TENM2: variants seen among roughly 807,000 people sequenced by gnomAD.
TENM2 encodes teneurin-2.
A neutral mutation model predicts 245.2 loss-of-function variants in TENM2; 52 were observed. That is an observed-to-expected ratio of 0.21 (90% confidence interval 0.17 to 0.27). The LOEUF (loss-of-function observed/expected upper bound fraction) is 0.27. Ranked by LOEUF, TENM2 falls within the 10% of genes least tolerant of loss-of-function variation. TENM2 has a pLI of 1.00. For synonymous variants in TENM2, 1,363 were observed against 1,438.9 expected (o/e 0.95, Z 1.19); for missense variants, 3,046 against 3,666.8 (o/e 0.83, Z 4.37).
intron 2 of TENM2, among the ~76,000 whole-genome samples, chr5:167,823,088 AT>A: frequency 6.6e-6 from 1 of 152,044 alleles, no homozygotes. Context: ...CGCTTGCCAG[AT>A]TTTTTTCTTA....
intron 2 of TENM2, among the ~76,000 whole-genome samples, chr5:167,378,369 T>TTTC (rs201092643): frequency 0.031 from 4,126 of 131,266 alleles, 208 homozygotes; most frequent in African/African-American, 0.11. Context: ...CTTTCTTTTC[T>TTTC]TTCTTCTTCT....
At chr5:167,812,946 A>G (rs1445160561) in intron 2 of TENM2, among the ~76,000 whole-genome samples, 1 of 152,202 alleles carries the variant, frequency 6.6e-6, no homozygotes, top group Non-Finnish European at 1.5e-5. Flanking sequence ...GCACTGCAAA[A>G]AAGGCAGGCT....
the TENM2 span, among the ~76,000 whole-genome samples, chr5:167,189,865 A>G: frequency 6.6e-6 from 1 of 152,132 alleles, no homozygotes; most frequent in Non-Finnish European, 1.5e-5. Flanking sequence ...ACCTTGAGAT[A>G]TAACTTTATA....
chr5:168,084,683 A>G (rs1792294352), intron 7 of TENM2, among the ~76,000 whole-genome samples: 1 of 152,190 alleles, frequency 6.6e-6, no homozygotes, highest in Non-Finnish European at 1.5e-5. Context: ...CAGAGAGAAG[A>G]GCAGTATGGC....
At chr5:167,792,351 G>T (rs1765034886) in intron 2 of TENM2, among the ~76,000 whole-genome samples, 1 of 152,094 alleles carries the variant, frequency 6.6e-6, no homozygotes, top group Non-Finnish European at 1.5e-5. Context: ...GCCTGGGACA[G>T]CCTGAGGATG....
At chr5:167,217,239 C>A in the TENM2 span, among the ~76,000 whole-genome samples, 1 of 152,014 alleles carries the variant, frequency 6.6e-6, no homozygotes, top group Admixed American at 6.6e-5. Flanking sequence ...AAGTAAGTGG[C>A]CTGTAGTCAC....
At chr5:167,965,346 CAG>C (rs1330361972) in intron 4 of TENM2, 2 of 152,128 alleles carry the variant, frequency 1.3e-5, no homozygotes, top group African/African-American at 4.8e-5. Context: ...ATGTATAACA[CAG>C]AAAATCATCC....
the TENM2 span, among the ~76,000 whole-genome samples, chr5:167,255,475 G>T: frequency 6.6e-6 from 1 of 152,160 alleles, no homozygotes; most frequent in African/African-American, 2.4e-5. Context: ...AAGCATGAAT[G>T]AAATAGTTAA....
At position 167,723,065 on chromosome 5, in the gene TENM2, T is replaced by C. The variant is rs1287696598; in HGVS notation, c.503-152921T>C. ...CTGTCATTAAATACACCTGAGGTTG[T>C]GTATTCAGTGATTATAACCCTATTG... is the stretch of plus-strand genomic sequence containing the variant. On this transcript the variant is annotated intron_variant, in intron 2 of 28. Transcript: ENST00000518659. Among the ~76,000 whole-genome samples the C allele has an allele frequency of 3.3e-5, 5 of 152,186 alleles. No homozygotes were observed. The East Asian group carries it at 7.7e-4, about 23-fold the overall frequency.
the TENM2 span, among the ~76,000 whole-genome samples, chr5:167,109,630 C>T: frequency 2.0e-5 from 3 of 152,052 alleles, no homozygotes; most frequent in East Asian, 1.9e-4. Context: ...TCACTTCTCA[C>T]GTTCATCCTA....
At chr5:168,017,487 A>G (rs1453320433) in intron 5 of TENM2, among the ~76,000 whole-genome samples, 2 of 152,104 alleles carry the variant, frequency 1.3e-5, no homozygotes, top group East Asian at 3.9e-4. Context: ...TGCTCACTTT[A>G]TTTGGCACTG....
At position 167,614,375 on chromosome 5, in the gene TENM2, C is replaced by T. The variant is rs529333291; in HGVS notation, c.502+238902C>T. 1.3e-4 allele frequency among the ~76,000 whole-genome samples: 20 copies of T among 152,182 alleles called. 1 individual carries two copies. The South Asian group carries it at 2.7e-3, about 21-fold the overall frequency. The stretch of plus-strand genomic sequence containing the variant: ...GCATAGGATCCTCTCCTTCACCCAG[C>T]GAGAAGGCCAAGGTCAACTTTTGGC... On this transcript the variant is annotated intron_variant, in intron 2 of 28. Transcript: ENST00000518659.
At chr5:167,688,057 T>C (rs7723247) in intron 2 of TENM2, among the ~76,000 whole-genome samples, 63,136 of 152,044 alleles carry the variant, frequency 0.42, 15,377 homozygotes, top group East Asian at 0.91. Context: ...ACTATGTGCA[T>C]TGTTTTTATC....
At chr5:167,743,719 A>G (rs1274014219) in intron 2 of TENM2, among the ~76,000 whole-genome samples, 1 of 152,194 alleles carries the variant, frequency 6.6e-6, no homozygotes, top group Non-Finnish European at 1.5e-5. Flanking sequence ...TAATAAAGTT[A>G]AATTATAGCA....
chr5:167,480,503 G>C (rs1352651829), intron 2 of TENM2, among the ~76,000 whole-genome samples: 1 of 152,066 alleles, frequency 6.6e-6, no homozygotes, highest in African/African-American at 2.4e-5. Flanking sequence ...GTAGCTATTC[G>C]GTGTTTTCCT....
In TENM2 at chr5:167,795,389, G is replaced by T. The variant is rs113306944; in HGVS notation, c.503-80597G>T. 8.7e-4 allele frequency among the ~76,000 whole-genome samples: 132 copies of T among 152,274 alleles called. No individual in the cohort carries two copies. The Middle Eastern group carries it at 0.01, about 12-fold the overall frequency. On this transcript the variant is annotated intron_variant, in intron 2 of 28. Coordinates refer to ENST00000518659, the Ensembl canonical transcript of TENM2. ...CTTGCTTTTCCCCCTAACATCCTGA[G>T]AATTCAGTAATGGTGATATGTAAAA...
At chr5:167,375,019 G>T (rs1760664552) in intron 1 of TENM2, among the ~76,000 whole-genome samples, 179 bp from the exon 4 acceptor site, 1 of 152,086 alleles carries the variant, frequency 6.6e-6, no homozygotes, top group African/African-American at 2.4e-5. Flanking sequence ...TCTTTTGTTT[G>T]TTTTTCAAAG....
chr5:167,536,057 G>A (rs1426716966), intron 2 of TENM2, among the ~76,000 whole-genome samples: 1 of 152,134 alleles, frequency 6.6e-6, no homozygotes, highest in East Asian at 1.9e-4. Flanking sequence ...TAGGCTAGTG[G>A]TGGGATTACA....
chr5:167,203,963 G>A, the TENM2 span, among the ~76,000 whole-genome samples: 120 of 152,096 alleles, frequency 7.9e-4, no homozygotes, highest in Non-Finnish European at 1.4e-3. Context: ...AAATTTGGAT[G>A]CATTATAATG....
Sources: gnomAD v4.1 joint callset for allele counts (sites outside exome capture counted in the v4.1 genomes callset) on GRCh38, gnomAD v4.1.1 for gene constraint, MANE v1.5 for transcripts, NCBI Gene and HGNC (gene_info 2026-07-23, HGNC 2026-07-21) for gene names.